TEK: variants seen among roughly 807,000 people sequenced by gnomAD.
The protein encoded by TEK is TEK receptor tyrosine kinase.
A neutral mutation model predicts 131.8 loss-of-function variants in TEK; 43 were observed. The ratio of observed to expected loss-of-function variants is 0.33; its 90% CI spans 0.26 to 0.42. The LOEUF (loss-of-function observed/expected upper bound fraction) is 0.42, where lower values mean the gene tolerates loss of function less well. TEK is among the 10% of genes least tolerant of loss of function. The pLI is 1.00. For missense variants in TEK, 1,162 were observed against 1,384.4 expected (o/e 0.84, Z 2.55); for synonymous variants, 580 against 491.6 (o/e 1.18, Z -2.38).
At chr9:27,146,398 C>T (rs1822920170) in intron 1 of TEK, among the ~76,000 whole-genome samples, 1 of 152,142 alleles carries the variant, frequency 6.6e-6, no homozygotes, top group Non-Finnish European at 1.5e-5. Context: ...TACCATCACC[C>T]CAAAAATCTT....
chr9:27,207,782 G>T (rs1473806904), intron 15 of TEK, among the ~76,000 whole-genome samples: 2 of 152,082 alleles, frequency 1.3e-5, no homozygotes, highest in Non-Finnish European at 2.9e-5. Context: ...TTGAATCTAT[G>T]AATTACCTCT....
chr9:27,157,787 GT>G, intron 1 of TEK, 43 bp from the exon 2 acceptor site: 1 of 1,606,964 alleles, frequency 6.2e-7, no homozygotes, highest in Non-Finnish European at 8.5e-7. Flanking sequence ...ATGGGGTCAT[GT>G]TAATAACCTT....
intron 1 of TEK, among the ~76,000 whole-genome samples, chr9:27,137,633 C>T (rs62544597): frequency 6.6e-6 from 1 of 151,548 alleles, no homozygotes; most frequent in East Asian, 1.9e-4. Flanking sequence ...TTTAAACTTA[C>T]CTGAAAATTG....
chr9:27,183,032 G>A (rs917058298), intron 7 of TEK, among the ~76,000 whole-genome samples: 1 of 152,148 alleles, frequency 6.6e-6, no homozygotes, highest in Non-Finnish European at 1.5e-5. Context: ...AATACCATGG[G>A]GTTATTTGAT....
At chr9:27,144,365 G>C (rs891714023) in intron 1 of TEK, among the ~76,000 whole-genome samples, 4 of 152,216 alleles carry the variant, frequency 2.6e-5, no homozygotes, top group African/African-American at 4.8e-5. Flanking sequence ...AGCTCCCAGT[G>C]TGTTTGGAAT....
intron 3 of TEK, among the ~76,000 whole-genome samples, chr9:27,168,998 T>C (rs975626316): frequency 6.6e-6 from 1 of 152,214 alleles, no homozygotes; most frequent in Non-Finnish European, 1.5e-5. Flanking sequence ...GTAATCCAAA[T>C]GTGTCTAGGT....
intron 11 of TEK, 134 bp from the exon 12 acceptor site, chr9:27,197,181 A>G (rs1825057769): frequency 1.1e-6 from 1 of 899,472 alleles, no homozygotes. Context: ...AGTCACACTC[A>G]TCAACCAATC....
chr9:27,183,316 G>C, intron 7 of TEK, 143 bp from the exon 8 acceptor site: 3 of 865,752 alleles, frequency 3.5e-6, no homozygotes, highest in Non-Finnish European at 5.7e-6. Flanking sequence ...CACATCACAG[G>C]TGTCTTATGT....
At chr9:27,190,722 G>A in intron 10 of TEK, 32 bp downstream of exon 10, 1 of 1,612,926 alleles carries the variant, frequency 6.2e-7, no homozygotes, top group Non-Finnish European at 8.5e-7. Flanking sequence ...TGCCAGCTGG[G>A]GATGTGGCAC....
At chr9:27,115,968 G>T (rs1821539529) in intron 1 of TEK, among the ~76,000 whole-genome samples, 1 of 152,170 alleles carries the variant, frequency 6.6e-6, no homozygotes, top group African/African-American at 2.4e-5. Context: ...TCAGATTTAT[G>T]TCTTGAAAAA....
chr9:27,139,951 C>T (rs73643148), intron 1 of TEK, among the ~76,000 whole-genome samples: 50 of 152,256 alleles, frequency 3.3e-4, no homozygotes, highest in African/African-American at 1.2e-3. Flanking sequence ...CCTGTCCTGC[C>T]ACCTTGGCTT....
intron 9 of TEK, among the ~76,000 whole-genome samples, chr9:27,189,249 T>G (rs1824718350): frequency 6.6e-6 from 1 of 152,174 alleles, no homozygotes; most frequent in Admixed American, 6.5e-5. Context: ...CTACACAGTC[T>G]TTGCCCTAAT....
chr9:27,186,341 G>T (rs751256251), intron 9 of TEK, among the ~76,000 whole-genome samples: 1 of 152,174 alleles, frequency 6.6e-6, no homozygotes, highest in African/African-American at 2.4e-5. Flanking sequence ...TTAATCACCT[G>T]TTTAGACAAG....
At chr9:27,121,240 T>A (rs1170094922) in intron 1 of TEK, among the ~76,000 whole-genome samples, 1 of 152,128 alleles carries the variant, frequency 6.6e-6, no homozygotes, top group African/African-American at 2.4e-5. Context: ...GGCAGAAGAA[T>A]CACTTAACCC....
rs115854308 is a variant in TEK at position 27,178,683 on chromosome 9, T to G, written c.902-1557T>G. On this transcript the variant is annotated intron_variant, in intron 6 of 22. Transcript: ENST00000380036. ...TAGAAGCCTTCTAGTAATGTTACAG[T>G]TGACCAAAATAAGGACACCCAGTTA... Among the ~76,000 whole-genome samples, 1,251 of 152,278 alleles carry G rather than the reference T, an allele frequency of 8.2e-3. 21 individuals carry two copies. Among genetic ancestry groups the G allele is most frequent in the African/African-American group, 0.029 (1,194 of 41,548 alleles).
At chr9:27,120,537 T>C (rs559516234) in intron 1 of TEK, among the ~76,000 whole-genome samples, 5 of 152,378 alleles carry the variant, frequency 3.3e-5, no homozygotes, top group Admixed American at 2.6e-4. Context: ...AATGAAACTC[T>C]ACAAGGATGC....
intron 1 of TEK, among the ~76,000 whole-genome samples, chr9:27,131,282 G>T (rs1822205670): frequency 6.6e-6 from 1 of 152,076 alleles, no homozygotes; most frequent in Non-Finnish European, 1.5e-5. Context: ...AGGAGTTCGA[G>T]ACCAGCCTGG....
At chr9:27,223,593 G>A (rs1587053101) in intron 21 of TEK, among the ~76,000 whole-genome samples, 1 of 152,296 alleles carries the variant, frequency 6.6e-6, no homozygotes, top group East Asian at 1.9e-4. Flanking sequence ...CAACATACCA[G>A]AATCTCTGGG....
At chr9:27,153,896 C>G (rs1251390067) in intron 1 of TEK, among the ~76,000 whole-genome samples, 1 of 152,174 alleles carries the variant, frequency 6.6e-6, no homozygotes, top group Non-Finnish European at 1.5e-5. Flanking sequence ...AGCCTCTGCT[C>G]TATTCTTTCT....
Sources: gnomAD v4.1 joint callset for allele counts (sites outside exome capture counted in the v4.1 genomes callset) on GRCh38, gnomAD v4.1.1 for gene constraint, MANE v1.5 for transcripts, NCBI Gene and HGNC (gene_info 2026-07-23, HGNC 2026-07-21) for gene names.